The following PTPRK variants were observed in gnomAD, a reference collection of about 807,000 sequenced individuals.
PTPRK encodes receptor-type tyrosine-protein phosphatase kappa.
Under a neutral mutation model 178.0 loss-of-function variants are expected in PTPRK, and 75 were observed. The ratio of observed to expected loss-of-function variants is 0.42; its 90% CI spans 0.35 to 0.51. The LOEUF is 0.51. Among genes scored for constraint, PTPRK ranks in the 20% least tolerant of loss-of-function variants. The pLI, the probability that PTPRK is intolerant of heterozygous loss-of-function variation, is 0.02. For synonymous variants in PTPRK, 637 were observed against 620.6 expected (o/e 1.03, Z -0.39); for missense variants, 1,441 against 1,797.8 (o/e 0.80, Z 3.59).
At chr6:128,268,264 C>T (rs1296557263) in intron 3 of PTPRK, among the ~76,000 whole-genome samples, 2 of 151,862 alleles carry the variant, frequency 1.3e-5, no homozygotes, top group East Asian at 1.9e-4. Flanking sequence ...CTTCATGATA[C>T]AATTTTTTAA....
At chr6:128,421,151 A>C (rs1263178655) in intron 1 of PTPRK, among the ~76,000 whole-genome samples, 2 of 152,232 alleles carry the variant, frequency 1.3e-5, no homozygotes, top group Non-Finnish European at 2.9e-5. Context: ...ACAAGTAAAA[A>C]TTCACTGTAT....
intron 7 of PTPRK, among the ~76,000 whole-genome samples, chr6:128,124,379 T>G (rs1285913043): frequency 1.3e-5 from 2 of 152,260 alleles, no homozygotes; most frequent in East Asian, 3.9e-4. Context: ...CACCTGTCCT[T>G]AGTCCTTAAT....
chr6:127,992,016 A>T (rs183283700), intron 19 of PTPRK, among the ~76,000 whole-genome samples: 5 of 151,900 alleles, frequency 3.3e-5, no homozygotes, highest in African/African-American at 1.2e-4. Flanking sequence ...TAAAAGAGTA[A>T]ACCTAGCTTT....
At chr6:128,406,547 T>G (rs75003683) in intron 1 of PTPRK, among the ~76,000 whole-genome samples, 2,186 of 152,288 alleles carry the variant, frequency 0.014, 57 homozygotes, top group African/African-American at 0.05. Context: ...TAAGCATAAT[T>G]TAATGACAGT....
intron 17 of PTPRK, 28 bp from the exon 18 acceptor site, chr6:127,995,566 C>A (rs1209458438): frequency 1.4e-6 from 2 of 1,404,402 alleles, no homozygotes; most frequent in South Asian, 1.3e-5. Context: ...TAAATATAAG[C>A]TGTTAAATTT....
chr6:128,219,273 TC>T (rs1809955942), intron 5 of PTPRK, among the ~76,000 whole-genome samples, 177 bp from the exon 6 acceptor site: 1 of 144,464 alleles, frequency 6.9e-6, no homozygotes, highest in African/African-American at 2.4e-5. Context: ...AAAGCAGTGG[TC>T]CTCAACCTTT....
chr6:127,997,044 T>G (rs1244953344), intron 16 of PTPRK, 56 bp from the exon 17 acceptor site: 3 of 1,552,118 alleles, frequency 1.9e-6, no homozygotes, highest in Non-Finnish European at 2.6e-6. Flanking sequence ...AAAAATCAGG[T>G]TTATCTGTTC....
intron 1 of PTPRK, chr6:128,500,554 C>T (rs980478284): frequency 1.3e-5 from 2 of 152,152 alleles, no homozygotes; most frequent in Non-Finnish European, 2.9e-5. Context: ...GTCTACTGAT[C>T]ACAGGTCACA....
At chr6:128,243,014 A>G (rs1438662236) in intron 3 of PTPRK, among the ~76,000 whole-genome samples, 1 of 152,352 alleles carries the variant, frequency 6.6e-6, no homozygotes, top group African/African-American at 2.4e-5. Context: ...TTAGTAAGAT[A>G]ATCTGAGTTT....
chr6:128,435,046 C>CAGGA (rs759976402), intron 1 of PTPRK, among the ~76,000 whole-genome samples: 3,934 of 71,992 alleles, frequency 0.055, 140 homozygotes, highest in Non-Finnish European at 0.072. Context: ...GGCAGGAAGG[C>CAGGA]AGGAAGGAAG....
intron 8 of PTPRK, among the ~76,000 whole-genome samples, chr6:128,086,225 A>G (rs1785790656): frequency 6.6e-6 from 1 of 152,176 alleles, no homozygotes; most frequent in Non-Finnish European, 1.5e-5. Context: ...GAAATAAAAT[A>G]TGGGTGGGGC....
At chr6:128,308,212 T>C (rs75983262) in intron 3 of PTPRK, among the ~76,000 whole-genome samples, 7,399 of 151,978 alleles carry the variant, frequency 0.049, 602 homozygotes, top group African/African-American at 0.17. Flanking sequence ...TAAAACAAAA[T>C]ATTTGTTTAA....
At chr6:128,393,077 T>C (rs1226286934) in intron 2 of PTPRK, among the ~76,000 whole-genome samples, 1 of 151,112 alleles carries the variant, frequency 6.6e-6, no homozygotes, top group East Asian at 2.0e-4. Flanking sequence ...ATATGGTCTA[T>C]GTTCATAAGG....
intron 1 of PTPRK, among the ~76,000 whole-genome samples, chr6:128,472,356 C>T (rs900958021): frequency 3.3e-5 from 5 of 151,190 alleles, no homozygotes; most frequent in African/African-American, 1.2e-4. Context: ...ATGTGTGTTG[C>T]TTGTTTGTTT....
intron 1 of PTPRK, among the ~76,000 whole-genome samples, chr6:128,495,874 C>G (rs1228437343): frequency 6.6e-6 from 1 of 152,164 alleles, no homozygotes; most frequent in African/African-American, 2.4e-5. Context: ...CAATGCACTG[C>G]ATTCTCTCCA....
intron 18 of PTPRK, among the ~76,000 whole-genome samples, chr6:127,993,745 TA>T (rs952793145): frequency 5.3e-5 from 8 of 151,386 alleles, no homozygotes; most frequent in African/African-American, 1.9e-4. Flanking sequence ...TTCCACTTCT[TA>T]AAAAAAATAC....
In PTPRK at chr6:128,093,613, AAAAAAAAAAACGAAAAAACAAAAAAAC is replaced by A. The variant is rs1787392261; in HGVS notation, c.1163-3648_1163-3622del. 2.0e-5 allele frequency among the ~76,000 whole-genome samples: 3 copies of A among 148,806 alleles called. No individual in the cohort carries two copies. The South Asian group carries it at 6.3e-4, about 31-fold the overall frequency. On this transcript the variant is annotated intron_variant, in intron 7 of 29. Transcript: ENST00000368226. The stretch of plus-strand genomic sequence containing the variant: ...CTCTCTCTCAAAAAAAAAAAAAAAA[AAAAAAAAAAACGAAAAAACAAAAAAAC>A]AAAACAAAACAAAAAACAAAAAAGG...
intron 5 of PTPRK, among the ~76,000 whole-genome samples, chr6:128,233,595 TTTCCTTTGGCTGAG>T (rs1812686813): frequency 1.3e-5 from 2 of 152,220 alleles, no homozygotes; most frequent in Non-Finnish European, 2.9e-5. Flanking sequence ...AGGAATGACA[TTTCCTTTGGCTGAG>T]CAACTAGCTG....
chr6:128,509,601 C>G (rs1439267769), intron 1 of PTPRK, among the ~76,000 whole-genome samples: 5 of 152,060 alleles, frequency 3.3e-5, no homozygotes, highest in Admixed American at 2.6e-4. Context: ...AAACTACTTT[C>G]ACATATATTA....
Sources: allele counts gnomAD v4.1 joint callset (sites outside exome capture counted in the v4.1 genomes callset), GRCh38; gene constraint gnomAD v4.1.1; transcripts MANE v1.5; gene names NCBI Gene and HGNC (gene_info 2026-07-23, HGNC 2026-07-21).